The following NDE1 variants were observed in gnomAD, a reference collection of about 807,000 sequenced individuals.
NDE1 encodes the protein nudE neurodevelopment protein 1.
NDE1 carries 28 observed loss-of-function variants against 43.4 expected under a neutral mutation model. The ratio of observed to expected loss-of-function variants is 0.65; its 90% CI spans 0.48 to 0.89. NDE1 has a LOEUF of 0.89. NDE1 is among the 40% of genes least tolerant of loss of function. The pLI, the probability that NDE1 is intolerant of heterozygous loss-of-function variation, is 0.00. For synonymous variants in NDE1, 184 were observed against 172.0 expected, an observed-to-expected ratio of 1.07 and a Z score of -0.55; for missense variants, 441 against 434.1, an observed-to-expected ratio of 1.02 and a Z score of -0.14.
chr16:15,696,359 C>T (rs988790706), intron 7 of NDE1, among the ~76,000 whole-genome samples: 1 of 149,186 alleles, frequency 6.7e-6, no homozygotes, highest in Non-Finnish European at 1.5e-5. Flanking sequence ...CTGGGTGACA[C>T]AGCGTCTAAA....
intron 8 of NDE1, chr16:15,708,715 A>C (rs2039603588): frequency 6.5e-6 from 9 of 1,390,140 alleles, no homozygotes; most frequent in Middle Eastern, 1.8e-4. Context: ...GCAAGGGTTT[A>C]AAAATTGGGG....
At chr16:15,656,519 T>TTTG (rs1555535641) in intron 1 of NDE1, among the ~76,000 whole-genome samples, 2 of 151,126 alleles carry the variant, frequency 1.3e-5, no homozygotes, top group East Asian at 3.9e-4. Flanking sequence ...GCTCTTTTCT[T>TTTG]TTATTATTAT....
chr16:15,679,379 TCAGG>T (rs1414063469), intron 4 of NDE1, among the ~76,000 whole-genome samples: 3 of 152,214 alleles, frequency 2.0e-5, no homozygotes, highest in Non-Finnish European at 4.4e-5. Flanking sequence ...TTTTATATTG[TCAGG>T]CAGGTTCCTA....
chr16:15,665,049 T>C lies in NDE1; in HGVS notation c.83+188T>C, dbSNP rs7184854. ...TAGATGGGACTATAGGTGTGCTTCA[T>C]CAGGCCAGGCTTTTTTTTTTTTGGC... is the stretch of plus-strand genomic sequence containing the variant. On this transcript the variant is annotated intron_variant, in intron 2 of 8. Transcript: ENST00000396354. Among the ~76,000 whole-genome samples, 109,679 of 151,390 alleles carry C rather than the reference T, an allele frequency of 0.72. 40,553 individuals carry two copies. The highest frequency in any genetic ancestry group is 0.89 in the African/African-American group (36,998 of 41,366).
chr16:15,720,732 CAAAA>C, intron 8 of NDE1: 1 of 1,252,614 alleles, frequency 8.0e-7, no homozygotes, highest in East Asian at 2.4e-5. Context: ...GACTCTGTTT[CAAAA>C]AAAAATAAAG....
At chr16:15,694,986 C>T in intron 7 of NDE1, 1 of 851,450 alleles carries the variant, frequency 1.2e-6, no homozygotes. Context: ...GCCCGGGCAA[C>T]ATGGTGAAAC....
At chr16:15,687,987 C>T (rs1596614335) in intron 5 of NDE1, among the ~76,000 whole-genome samples, 1 of 151,924 alleles carries the variant, frequency 6.6e-6, no homozygotes, top group Non-Finnish European at 1.5e-5. Context: ...CCAGCCTGGG[C>T]AGCATAGTGG....
upstream of NDE1, among the ~76,000 whole-genome samples, chr16:15,649,949 C>G (rs2036412568): frequency 6.6e-6 from 1 of 152,244 alleles, no homozygotes; most frequent in Non-Finnish European, 1.5e-5. Flanking sequence ...GCGCGGCCCG[C>G]AAGCCCAAAC....
chr16:15,671,930 C>T (rs1485073431), intron 3 of NDE1, among the ~76,000 whole-genome samples: 1 of 151,972 alleles, frequency 6.6e-6, no homozygotes, highest in African/African-American at 2.4e-5. Flanking sequence ...TCAAGTGATC[C>T]GCCTGCCTCG....
intron 1 of NDE1, chr16:15,652,133 C>T (rs1233424371): frequency 6.6e-6 from 1 of 152,134 alleles, no homozygotes; most frequent in African/African-American, 2.4e-5. Flanking sequence ...CTTCTGACCT[C>T]GTGATCTGCC....
At chr16:15,682,180 G>T (rs2038216169) in intron 4 of NDE1, among the ~76,000 whole-genome samples, 1 of 152,146 alleles carries the variant, frequency 6.6e-6, no homozygotes, top group Non-Finnish European at 1.5e-5. Context: ...TAAAGTTCTA[G>T]GTCACCAAAG....
chr16:15,711,445 G>A (rs1489754780), intron 8 of NDE1, among the ~76,000 whole-genome samples: 3 of 152,150 alleles, frequency 2.0e-5, no homozygotes, highest in African/African-American at 4.8e-5. Flanking sequence ...TATTGAACTT[G>A]ATACTATTTT....
At chr16:15,659,236 C>G (rs141579074) in intron 1 of NDE1, among the ~76,000 whole-genome samples, 2 of 152,040 alleles carry the variant, frequency 1.3e-5, no homozygotes, top group African/African-American at 4.8e-5. Flanking sequence ...CTAACTTCCA[C>G]CAGAAGTTAG....
chr16:15,667,012 G>A (rs1215899603), intron 2 of NDE1, among the ~76,000 whole-genome samples: 5 of 152,120 alleles, frequency 3.3e-5, no homozygotes, highest in South Asian at 2.1e-4. Flanking sequence ...TTGAGAGGCC[G>A]AGGCAGGCAG....
chr16:15,708,787 G>A (rs2039609042), intron 8 of NDE1: 1 of 1,604,314 alleles, frequency 6.2e-7, no homozygotes, highest in African/African-American at 1.3e-5. Context: ...CAGCTGCGAA[G>A]CTGAAGGCAT....
chr16:15,648,938 G>GT (rs943678207), upstream of NDE1, among the ~76,000 whole-genome samples: 11 of 152,200 alleles, frequency 7.2e-5, no homozygotes, highest in African/African-American at 2.7e-4. Context: ...GCTCACGCCT[G>GT]TAATCCCAGG....
intron 8 of NDE1, chr16:15,718,025 T>C (rs1010174042): frequency 3.9e-6 from 2 of 509,366 alleles, no homozygotes; most frequent in Admixed American, 3.2e-5. Context: ...GAAAACGCAA[T>C]GAAAGAGCAT....
At chr16:15,664,217 CA>C (rs1292450204) in intron 1 of NDE1, among the ~76,000 whole-genome samples, 2 of 151,976 alleles carry the variant, frequency 1.3e-5, no homozygotes, top group African/African-American at 4.8e-5. Context: ...AGTAGGTGCT[CA>C]ATAAATATTT....
intron 8 of NDE1, chr16:15,719,166 G>T: frequency 6.5e-7 from 1 of 1,530,880 alleles, no homozygotes; most frequent in Non-Finnish European, 9.0e-7. Flanking sequence ...CGAGGATGCT[G>T]CCTGTCCCCC....
Sources: allele counts gnomAD v4.1 joint callset (sites outside exome capture counted in the v4.1 genomes callset), GRCh38; gene constraint gnomAD v4.1.1; transcripts MANE v1.5; gene names NCBI Gene and HGNC (gene_info 2026-07-23, HGNC 2026-07-21).